Variants in BMPR2 observed in about 807,000 individuals in gnomAD.
BMPR2 encodes bone morphogenetic protein receptor type 2, also known as bone morphogenetic protein receptor type-2.
BMPR2 carries 29 observed loss-of-function variants against 100.8 expected under a neutral mutation model. That is an observed-to-expected ratio of 0.29 (90% confidence interval 0.21 to 0.39). The LOEUF is 0.39. BMPR2 is among the 10% of genes least tolerant of loss of function. The probability of loss-of-function intolerance (pLI) is 1.00; values close to 1 mark genes in which losing one functional copy is unlikely to be tolerated. For synonymous variants in BMPR2, 382 were observed against 442.3 expected, an observed-to-expected ratio of 0.86 and a Z score of 1.71; for missense variants, 1,011 against 1,274.5, an observed-to-expected ratio of 0.79 and a Z score of 3.15.
At chr2:202,400,308 ATTTTTT>A (rs35517349) in intron 1 of BMPR2, among the ~76,000 whole-genome samples, 22 of 130,552 alleles carry the variant, frequency 1.7e-4, no homozygotes, top group Non-Finnish European at 3.4e-4. Flanking sequence ...TGCCAAGCTA[ATTTTTT>A]TTTTTTTTTT....
At position 202,503,425 on chromosome 2, in the gene BMPR2, G is replaced by A. The variant is rs1045590498; in HGVS notation, c.419-10294G>A. Reference sequence around the variant, plus strand: ...AACCGGGGCGGCGTGCCGCGCTTGCGGGCCAGCCGGAGTTCCGGTTGGGCA... The same window carrying A: ...AACCGGGGCGGCGTGCCGCGCTTGCAGGCCAGCCGGAGTTCCGGTTGGGCA... On this transcript the variant is annotated intron_variant, in intron 3 of 12. Transcript: ENST00000374580. This position sits in a 1 kb window ranked among gnomAD's most constrained non-coding sequence, Gnocchi z 4.0. 2.0e-5 allele frequency among the ~76,000 whole-genome samples: 3 copies of A among 152,244 alleles called. No homozygotes were observed. Among genetic ancestry groups the A allele is most frequent in the East Asian group, 1.9e-4 (1 of 5,192 alleles).
At chr2:202,433,801 G>A (rs1443376444) in intron 1 of BMPR2, among the ~76,000 whole-genome samples, 6 of 150,332 alleles carry the variant, frequency 4.0e-5, no homozygotes, top group Non-Finnish European at 8.8e-5. Flanking sequence ...CCAGCTGCTC[G>A]GGAGGCTGAG....
At chr2:202,404,910 A>C (rs1346004289) in intron 1 of BMPR2, among the ~76,000 whole-genome samples, 2 of 152,012 alleles carry the variant, frequency 1.3e-5, no homozygotes, top group African/African-American at 4.8e-5. Context: ...TGGCACCTCA[A>C]CCTTCCAGGC....
At chr2:202,538,208 C>T (rs778422553) in intron 9 of BMPR2, among the ~76,000 whole-genome samples, 1 of 151,892 alleles carries the variant, frequency 6.6e-6, no homozygotes, top group Non-Finnish European at 1.5e-5. Flanking sequence ...AATCCTAGCA[C>T]TTTGGGAGGC....
At chr2:202,401,614 A>G (rs1360725230) in intron 1 of BMPR2, among the ~76,000 whole-genome samples, 1 of 152,224 alleles carries the variant, frequency 6.6e-6, no homozygotes, top group Non-Finnish European at 1.5e-5. Context: ...GAGATGGTTA[A>G]TCTTCATTAT....
intron 1 of BMPR2, among the ~76,000 whole-genome samples, chr2:202,437,384 A>C (rs1162758566): frequency 6.6e-6 from 1 of 150,788 alleles, no homozygotes; most frequent in East Asian, 1.9e-4. Context: ...GTTGCAATAA[A>C]TTTTAACTTT....
chr2:202,481,063 T>G (rs577138761), intron 3 of BMPR2, among the ~76,000 whole-genome samples: 1 of 152,276 alleles, frequency 6.6e-6, no homozygotes, highest in East Asian at 1.9e-4. Flanking sequence ...CCATTGATCC[T>G]TATGCCAGGA....
chr2:202,560,164 A>G lies in BMPR2; in HGVS notation c.*218A>G. ...TTTTTTAAGTTTTGCACTTTTGTTT[A>G]GTCTCGCTAAAGTTATATTTGTCTG... On this transcript the variant is annotated 3_prime_UTR_variant, in exon 13 of 13. Coordinates refer to ENST00000374580, the MANE Select transcript of BMPR2 (RefSeq NM_001204.7). 1.7e-6 allele frequency: 1 copy of G among 576,536 alleles called. No individual in the cohort carries two copies. The highest frequency in any genetic ancestry group is 2.1e-5 in the South Asian group (1 of 48,378). The allele number at this position is 576,536 out of a possible 1,614,324, so 35.7% of individuals were successfully genotyped here.
rs913490540 is a variant in BMPR2 at position 202,403,570 on chromosome 2, G to A, written c.76+26020G>A. Among the ~76,000 whole-genome samples, 5 of 152,254 alleles carry A rather than the reference G, an allele frequency of 3.3e-5. No individual in the cohort carries two copies. In the South Asian group the frequency reaches 1.0e-3, roughly 32 times the overall value. ...TAAGTAAAAGTGATACCTCTAGAAA[G>A]TTAACGTTTGACTCATTTTAAGAAA... On this transcript the variant is annotated intron_variant, in intron 1 of 12. Transcript: ENST00000374580.
rs978055522 is a variant in BMPR2, at chr2:202,565,580, A to G, written c.*5634A>G. The G allele has an allele frequency of 1.3e-5, 2 of 152,588 alleles. No individual in the cohort carries two copies. Among genetic ancestry groups the G allele is most frequent in the African/African-American group, 4.8e-5 (2 of 41,448 alleles). 9.5% of individuals were successfully genotyped at this position (152,588 alleles called of 1,614,324 possible). ...TAAAAAGCCATGCACACAGAATTGT[A>G]TATCATTTTGCCATTAAAATTTTTT... On this transcript the variant is annotated 3_prime_UTR_variant, in exon 13 of 13. Coordinates refer to ENST00000374580, the MANE Select transcript of BMPR2 (RefSeq NM_001204.7).
At chr2:202,400,871 T>C (rs1690757990) in intron 1 of BMPR2, among the ~76,000 whole-genome samples, 1 of 152,236 alleles carries the variant, frequency 6.6e-6, no homozygotes, top group African/African-American at 2.4e-5. Context: ...CCTTTTCTTA[T>C]TTAAATTACT....
At chr2:202,469,197 T>TG (rs1692385576) in intron 3 of BMPR2, among the ~76,000 whole-genome samples, 1 of 151,644 alleles carries the variant, frequency 6.6e-6, no homozygotes, top group African/African-American at 2.4e-5. Context: ...CCCGGCTAAT[T>TG]TTGTATTTTT....
intron 3 of BMPR2, among the ~76,000 whole-genome samples, chr2:202,499,238 A>AC (rs1365500329): frequency 6.6e-6 from 1 of 152,154 alleles, no homozygotes; most frequent in Non-Finnish European, 1.5e-5. Context: ...TCTAGGGCAA[A>AC]CCTTTGACCT....
intron 1 of BMPR2, among the ~76,000 whole-genome samples, chr2:202,394,863 GATTT>G (rs1690626875): frequency 6.8e-6 from 1 of 147,626 alleles, no homozygotes; most frequent in African/African-American, 2.5e-5. Context: ...GTATCTTCTT[GATTT>G]CTAAAAGTCT....
intron 1 of BMPR2, among the ~76,000 whole-genome samples, chr2:202,384,116 G>A (rs1403886513): frequency 6.6e-6 from 1 of 152,160 alleles, no homozygotes; most frequent in African/African-American, 2.4e-5. Context: ...AGGTTGCAGT[G>A]AGCCAAGATT....
Position 202,377,401 on chromosome 2 carries a change from T to G in BMPR2, c.-74T>G. ...CAGTCCACGGGAGAGAAGACGAGCC[T>G]CCCGGCTGTTTCTCCGCCGGTCTAC... On this transcript the variant is annotated 5_prime_UTR_variant, in exon 1 of 13. Coordinates refer to ENST00000374580, the MANE Select transcript of BMPR2 (RefSeq NM_001204.7). The G allele has an allele frequency of 7.0e-7, 1 of 1,432,882 alleles. No homozygotes were observed. The highest frequency in any genetic ancestry group is 9.9e-7 in the Non-Finnish European group (1 of 1,014,612). The allele number at this position is 1,432,882 out of a possible 1,614,324, so 88.8% of individuals were successfully genotyped here.
At chr2:202,406,842 A>G (rs1264682851) in intron 1 of BMPR2, among the ~76,000 whole-genome samples, 1 of 152,234 alleles carries the variant, frequency 6.6e-6, no homozygotes, top group Admixed American at 6.5e-5. Context: ...TTAAAGCTGT[A>G]GTAATGCTAT....
At chr2:202,531,148 CA>C (rs1688019779) in intron 8 of BMPR2, among the ~76,000 whole-genome samples, 194 bp downstream of exon 8, 1 of 152,078 alleles carries the variant, frequency 6.6e-6, no homozygotes, top group African/African-American at 2.4e-5. Flanking sequence ...ACTAAAAATA[CA>C]AAAATTAGCC....
At chr2:202,506,676 G>C (rs1687526302) in intron 3 of BMPR2, among the ~76,000 whole-genome samples, 1 of 151,984 alleles carries the variant, frequency 6.6e-6, no homozygotes, top group African/African-American at 2.4e-5. Context: ...CGAGGCGGGT[G>C]GATTACGAGG....
Sources: gnomAD v4.1 joint callset for allele counts (sites outside exome capture counted in the v4.1 genomes callset) on GRCh38, gnomAD v4.1.1 for gene constraint, Gnocchi (gnomAD v3.1) non-coding constraint, MANE v1.5 for transcripts, NCBI Gene and HGNC (gene_info 2026-07-23, HGNC 2026-07-21) for gene names.